RBM44: variants seen among roughly 807,000 people sequenced by gnomAD.
The protein encoded by RBM44 is RNA-binding protein 44.
RBM44 carries 66 observed loss-of-function variants against 105.1 expected under a neutral mutation model. That is an observed-to-expected ratio of 0.63 (90% CI 0.52 to 0.77). RBM44 has a LOEUF of 0.77. Among genes scored for constraint, RBM44 ranks in the 30% least tolerant of loss-of-function variants. The pLI, the probability that RBM44 is intolerant of heterozygous loss-of-function variation, is 0.00. For missense variants in RBM44, 1,122 were observed against 1,207.8 expected, an observed-to-expected ratio of 0.93 and a Z score of 1.05; for synonymous variants, 365 against 417.6, an observed-to-expected ratio of 0.87 and a Z score of 1.54.
intron 10 of RBM44, among the ~76,000 whole-genome samples, chr2:237,826,957 A>G (rs2150985220): frequency 6.6e-6 from 1 of 152,288 alleles, no homozygotes; most frequent in African/African-American, 2.4e-5. Flanking sequence ...AGGGACAACA[A>G]TTACAGTAAT....
In RBM44 at chr2:237,818,990, T is replaced by A. The variant is rs2061753655; in HGVS notation, c.1736+31T>A. On this transcript the variant is annotated intron_variant, in intron 4 of 15. Coordinates refer to ENST00000316997, the MANE Select transcript of RBM44 (RefSeq NM_001080504.3). The surrounding 1 kb of genome is among the most constrained non-coding windows in gnomAD (Gnocchi z 4.6). Reference sequence around the variant, plus strand: ...TCATTTATATATGCTTACAGATACATCTGGAAGAAAAAATCAAAATAGTAT... The same window carrying A: ...TCATTTATATATGCTTACAGATACAACTGGAAGAAAAAATCAAAATAGTAT... 1 of 1,184,322 alleles carries A rather than the reference T, an allele frequency of 8.4e-7. No homozygotes were observed. The allele number at this position is 1,184,322 out of a possible 1,614,324, so 73.4% of individuals were successfully genotyped here.
chr2:237,808,662 T>G (rs2061624030), intron 1 of RBM44, among the ~76,000 whole-genome samples: 1 of 151,906 alleles, frequency 6.6e-6, no homozygotes, highest in East Asian at 1.9e-4. Context: ...AGAAGCAAGG[T>G]AGGAGATGTG....
chr2:237,810,741 A>C (rs1395811904), intron 1 of RBM44, among the ~76,000 whole-genome samples: 4 of 152,170 alleles, frequency 2.6e-5, no homozygotes, highest in Non-Finnish European at 5.9e-5. Flanking sequence ...GGGAAAGGTG[A>C]TTGGCACAGA....
At chr2:237,811,014 A>T (rs538229789) in intron 1 of RBM44, among the ~76,000 whole-genome samples, 12 of 152,258 alleles carry the variant, frequency 7.9e-5, no homozygotes, top group Non-Finnish European at 1.3e-4. Context: ...TGGCCAGGGA[A>T]GGTTAAGTTT....
At chr2:237,808,122 C>T (rs1037257321) in intron 1 of RBM44, among the ~76,000 whole-genome samples, 3 of 151,960 alleles carry the variant, frequency 2.0e-5, no homozygotes, top group African/African-American at 7.3e-5. Context: ...AGAAAACAGC[C>T]AATGTTAAAA....
At chr2:237,821,963 A>G (rs2061796036) in intron 8 of RBM44, 136 bp downstream of exon 8, 2 of 618,312 alleles carry the variant, frequency 3.2e-6, no homozygotes, top group African/African-American at 1.9e-5. Flanking sequence ...TTTGAGGGAT[A>G]TAACTGATTA....
At chr2:237,820,514 T>G (rs2061774340) in intron 5 of RBM44, 163 bp downstream of exon 5, 2 of 481,984 alleles carry the variant, frequency 4.1e-6, no homozygotes, top group Non-Finnish European at 7.3e-6. Context: ...TTGAGTTTCA[T>G]GGAGGGGCCA....
At position 237,821,895 on chromosome 2, in the gene RBM44, T is replaced by C. The variant is rs183457208; in HGVS notation, c.2205+68T>C. 22 of 1,070,738 alleles carry C rather than the reference T, an allele frequency of 2.1e-5. No homozygotes were observed. In the African/African-American group the frequency reaches 3.1e-4, roughly 15 times the overall value. 66.3% of individuals were successfully genotyped at this position (1,070,738 alleles called of 1,614,324 possible). On this transcript the variant is annotated intron_variant, in intron 8 of 15. Coordinates refer to ENST00000316997, the MANE Select transcript of RBM44 (RefSeq NM_001080504.3). ...ATGGTTTACGTAAAGTAAATCATAA[T>C]TTTCAGAAACCCTGACATCCTTCTT...
At position 237,817,387 on chromosome 2, in the gene RBM44, C is replaced by G; in HGVS notation, c.468C>G (p.Gly156=). Residue 156 remains glycine, a synonymous_variant, in exon 3 of 16, where the codon GGC becomes GGG. Transcript: ENST00000316997. ...TGGAACATCAAGATAAGACTGTTGG[C>G]TTGGAAAGAATCTACAATATTTCAG... ...NILEHQDKTV[G]LERIYNISDA... is the part of the protein sequence containing the mutation. 2.5e-6 allele frequency: 4 copies of G among 1,602,920 alleles called. No individual in the cohort carries two copies. Among genetic ancestry groups the G allele is most frequent in the Non-Finnish European group, 3.4e-6 (4 of 1,174,624 alleles).
chr2:237,823,510 G>A lies in RBM44; in HGVS notation c.2276G>A (p.Gly759Asp). 6.5e-7 allele frequency: 1 copy of A among 1,540,778 alleles called. No individual in the cohort carries two copies. The highest frequency in any genetic ancestry group is 8.8e-7 in the Non-Finnish European group (1 of 1,135,814). The change falls in exon 9 of 16, where the codon GGT becomes GAT. Residue 759 changes from glycine to aspartate, a missense_variant. Transcript: ENST00000316997. Reference protein sequence around the residue: ...ISPKKDDFKNGDINADFSQLK... With the variant: ...ISPKKDDFKNDDINADFSQLK... Reference sequence around the variant, plus strand: ...CCCAAGAAAGATGACTTTAAAAATGGTGATATAAATGCAGACTTTAGTCAA... The same window carrying A: ...CCCAAGAAAGATGACTTTAAAAATGATGATATAAATGCAGACTTTAGTCAA...
chr2:237,829,604 A>G, intron 13 of RBM44, 102 bp downstream of exon 13: 2 of 1,010,926 alleles, frequency 2.0e-6, no homozygotes. Flanking sequence ...TGAAATGGGA[A>G]TGACAGCATT....
intron 7 of RBM44, among the ~76,000 whole-genome samples, 156 bp from the exon 8 acceptor site, chr2:237,821,587 G>A (rs1395120972): frequency 6.6e-6 from 1 of 152,016 alleles, no homozygotes; most frequent in African/African-American, 2.4e-5. Flanking sequence ...TGATATTCAG[G>A]ATATCCATCA....
At chr2:237,824,241 T>C (rs751750231) in intron 9 of RBM44, 50 bp from the exon 10 acceptor site, 2 of 1,585,308 alleles carry the variant, frequency 1.3e-6, no homozygotes, top group South Asian at 2.3e-5. Context: ...AACTTTTCAG[T>C]GTGTTGGACG....
chr2:237,840,046 G>A (rs1289627730), intron 15 of RBM44, among the ~76,000 whole-genome samples: 1 of 151,896 alleles, frequency 6.6e-6, no homozygotes, highest in Non-Finnish European at 1.5e-5. Flanking sequence ...AAAATTAGCC[G>A]AGCATGATAG....
rs767557762 is a variant in RBM44, at chr2:237,818,533, A to G, written c.1614A>G (p.Thr538=). The G allele has an allele frequency of 6.2e-7, 1 of 1,601,322 alleles. No homozygotes were observed. The highest frequency in any genetic ancestry group is 1.1e-5 in the South Asian group (1 of 89,238). The change falls in exon 3 of 16, where the codon ACA becomes ACG. Residue 538 remains threonine (T), a synonymous_variant. Coordinates refer to ENST00000316997, the MANE Select transcript of RBM44 (RefSeq NM_001080504.3). This position sits in a 1 kb window ranked among gnomAD's most constrained non-coding sequence, Gnocchi z 4.6. The part of the protein sequence containing the change: ...EDCIDTQMAI[T]KGSGKSLSVD... ...GTATAGATACACAGATGGCTATAAC[A>G]AAAGGATCAGGAAAATCTCTCTCCG...
intron 13 of RBM44, among the ~76,000 whole-genome samples, chr2:237,832,338 G>T (rs2061912405): frequency 6.6e-6 from 1 of 152,050 alleles, no homozygotes; most frequent in Non-Finnish European, 1.5e-5. Flanking sequence ...TTTTTCTGTA[G>T]AGACCAGGTC....
intron 1 of RBM44, among the ~76,000 whole-genome samples, chr2:237,806,723 C>T (rs1395937520): frequency 6.6e-6 from 1 of 152,164 alleles, no homozygotes; most frequent in Non-Finnish European, 1.5e-5. Context: ...GGGGACTCCC[C>T]CTTGAGACTT....
chr2:237,811,138 C>A (rs1290355163), intron 1 of RBM44, among the ~76,000 whole-genome samples: 1 of 152,110 alleles, frequency 6.6e-6, no homozygotes, highest in East Asian at 1.9e-4. Context: ...TCAAATTAAC[C>A]CTCAGTTTCA....
chr2:237,817,106 G>A lies in RBM44; in HGVS notation c.187G>A (p.Ala63Thr). Residue 63 changes from alanine to threonine, a missense_variant, in exon 3 of 16, where the codon GCT (alanine) becomes ACT (threonine). Coordinates refer to ENST00000316997, the MANE Select transcript of RBM44 (RefSeq NM_001080504.3). ...DWNSSTLEQR[A>T]NNKEISNIDK... ...GAATTCTTCGACACTAGAGCAAAGA[G>A]CTAATAATAAAGAAATCAGCAATAT... 6.2e-7 allele frequency: 1 copy of A among 1,609,296 alleles called. No individual in the cohort carries two copies. Among genetic ancestry groups the A allele is most frequent in the Non-Finnish European group, 8.5e-7 (1 of 1,178,208 alleles).
Sources: allele counts gnomAD v4.1 joint callset (sites outside exome capture counted in the v4.1 genomes callset), GRCh38; gene constraint gnomAD v4.1.1; non-coding constraint Gnocchi (gnomAD v3.1); transcripts MANE v1.5; gene names NCBI Gene and HGNC (gene_info 2026-07-23, HGNC 2026-07-21).